Variants in ARHGAP42 observed in about 807,000 individuals in gnomAD.
ARHGAP42 encodes Rho GTPase activating protein 42.
Under a neutral mutation model 125.0 loss-of-function variants are expected in ARHGAP42, and 63 were observed. The observed-to-expected ratio is 0.50, with a 90% CI of 0.41 to 0.62. The LOEUF is 0.62. Ranked by LOEUF, ARHGAP42 falls within the 20% of genes least tolerant of loss-of-function variation. The pLI is 0.00. For missense variants in ARHGAP42, 766 were observed against 1,024.2 expected (o/e 0.75, Z 3.44); for synonymous variants, 339 against 351.0 (o/e 0.97, Z 0.38).
intron 2 of ARHGAP42, among the ~76,000 whole-genome samples, chr11:100,787,721 T>C (rs896672299): frequency 2.0e-5 from 3 of 152,118 alleles, no homozygotes; most frequent in African/African-American, 7.2e-5. Flanking sequence ...GAACAGGGGC[T>C]GAGTGAGAAT....
At position 100,970,590 on chromosome 11, in the gene ARHGAP42, AAAAC is replaced by A. The variant is rs901977133; in HGVS notation, c.1551-2579_1551-2576del. Among the ~76,000 whole-genome samples, 11 of 152,232 alleles carry A rather than the reference AAAAC, an allele frequency of 7.2e-5. No homozygotes were observed. The East Asian group carries it at 7.8e-4, about 11-fold the overall frequency. ...GCTCCTTGCCAGGTCACTTAAAAAAAAAACAAACAGTCTTTGAGATTTGTTATGA... is the reference window on the plus strand; with the variant it reads ...GCTCCTTGCCAGGTCACTTAAAAAAAAAACAGTCTTTGAGATTTGTTATGA... On this transcript the variant is annotated intron_variant, in intron 17 of 23. Coordinates refer to ENST00000298815, the MANE Select transcript of ARHGAP42 (RefSeq NM_152432.4).
intron 15 of ARHGAP42, 121 bp from the exon 16 acceptor site, chr11:100,962,288 A>T: frequency 1.3e-6 from 1 of 776,568 alleles, no homozygotes. Context: ...TTACTTATTT[A>T]TGTGTTATTT....
intron 1 of ARHGAP42, among the ~76,000 whole-genome samples, chr11:100,733,827 A>G (rs1862004446): frequency 1.7e-5 from 2 of 120,766 alleles, no homozygotes; most frequent in Admixed American, 1.6e-4. Flanking sequence ...TCTGTCTGGA[A>G]AAAAAAAAAA....
intron 3 of ARHGAP42, among the ~76,000 whole-genome samples, chr11:100,840,271 G>A (rs1023154472): frequency 2.0e-5 from 3 of 152,102 alleles, no homozygotes; most frequent in African/African-American, 7.2e-5. Context: ...GACACCCAAG[G>A]TCGCTGCGAC....
intron 4 of ARHGAP42, among the ~76,000 whole-genome samples, chr11:100,903,709 AATATATATATATATAT>A (rs139506492): frequency 0.095 from 6,045 of 63,468 alleles, 475 homozygotes; most frequent in East Asian, 0.26. Context: ...TGTCCCTCAA[AATATATATATATATAT>A]ATATATATAT....
intron 22 of ARHGAP42, among the ~76,000 whole-genome samples, chr11:100,985,678 G>T (rs1186058640): frequency 6.6e-6 from 1 of 152,168 alleles, no homozygotes; most frequent in African/African-American, 2.4e-5. Flanking sequence ...TGCTGTGTGG[G>T]CTGAGGGTCA....
At chr11:100,790,663 A>G (rs1863543379) in intron 2 of ARHGAP42, among the ~76,000 whole-genome samples, 1 of 152,206 alleles carries the variant, frequency 6.6e-6, no homozygotes, top group Non-Finnish European at 1.5e-5. Flanking sequence ...CTTGTAGAGC[A>G]AATAGATTGT....
chr11:100,851,068 G>T (rs1865193949), intron 3 of ARHGAP42, among the ~76,000 whole-genome samples: 1 of 151,762 alleles, frequency 6.6e-6, no homozygotes, highest in African/African-American at 2.4e-5. Flanking sequence ...TGTTAGTAGA[G>T]ACGGGGTTTT....
chr11:100,967,761 T>C (rs1034108711), intron 17 of ARHGAP42, among the ~76,000 whole-genome samples: 1 of 152,158 alleles, frequency 6.6e-6, no homozygotes, highest in African/African-American at 2.4e-5. Flanking sequence ...GTCGCCAGGC[T>C]GGAGTGCAGT....
intron 1 of ARHGAP42, among the ~76,000 whole-genome samples, chr11:100,702,734 C>G (rs7126783): frequency 0.015 from 2,310 of 150,342 alleles, 79 homozygotes; most frequent in African/African-American, 0.053. Flanking sequence ...TGCAATGGCA[C>G]GACCTCGGCT....
chr11:100,815,380 C>A (rs1007329543), intron 3 of ARHGAP42, among the ~76,000 whole-genome samples: 2 of 152,112 alleles, frequency 1.3e-5, no homozygotes, highest in Non-Finnish European at 2.9e-5. Flanking sequence ...CTTTTTAAGG[C>A]AAATTGTGTG....
chr11:100,731,347 C>T (rs755415777), intron 1 of ARHGAP42, among the ~76,000 whole-genome samples: 2 of 151,948 alleles, frequency 1.3e-5, no homozygotes, highest in Admixed American at 6.6e-5. Context: ...TTAGTAGAGA[C>T]GGGGTTTCAC....
At chr11:100,800,719 T>C (rs1304442830) in intron 3 of ARHGAP42, among the ~76,000 whole-genome samples, 1 of 152,160 alleles carries the variant, frequency 6.6e-6, no homozygotes, top group African/African-American at 2.4e-5. Context: ...ATACTGTGGG[T>C]TTTGATTGCT....
intron 4 of ARHGAP42, among the ~76,000 whole-genome samples, chr11:100,900,631 T>C (rs1444417957): frequency 6.6e-6 from 1 of 152,194 alleles, no homozygotes; most frequent in Non-Finnish European, 1.5e-5. Context: ...TTCCCTAAAC[T>C]TGCCTTCTCA....
intron 1 of ARHGAP42, among the ~76,000 whole-genome samples, chr11:100,727,048 G>C (rs1471720858): frequency 1.3e-5 from 2 of 152,146 alleles, no homozygotes; most frequent in East Asian, 1.9e-4. Flanking sequence ...CTGGGGATCC[G>C]TGAAAATCAC....
intron 1 of ARHGAP42, among the ~76,000 whole-genome samples, chr11:100,736,133 T>A (rs191051936): frequency 3.9e-5 from 6 of 152,306 alleles, no homozygotes; most frequent in Non-Finnish European, 4.4e-5. Context: ...GAGATGATAA[T>A]GTGGTTAGCC....
At chr11:100,865,269 A>T (rs1398290999) in intron 4 of ARHGAP42, among the ~76,000 whole-genome samples, 1 of 152,174 alleles carries the variant, frequency 6.6e-6, no homozygotes, top group Non-Finnish European at 1.5e-5. Flanking sequence ...ATATCCAAAA[A>T]AATCTATATA....
chr11:100,946,971 G>C (rs916952109), intron 10 of ARHGAP42, among the ~76,000 whole-genome samples: 1 of 151,442 alleles, frequency 6.6e-6, no homozygotes, highest in Admixed American at 6.6e-5. Flanking sequence ...GTATCTAGTA[G>C]GGCAATGACT....
At chr11:100,773,402 A>G (rs1206953926) in intron 2 of ARHGAP42, among the ~76,000 whole-genome samples, 2 of 152,218 alleles carry the variant, frequency 1.3e-5, no homozygotes, top group African/African-American at 2.4e-5. Flanking sequence ...CACAGATGAT[A>G]TAATTTTAAT....
Sources: gnomAD v4.1 joint callset for allele counts (sites outside exome capture counted in the v4.1 genomes callset) on GRCh38, gnomAD v4.1.1 for gene constraint, MANE v1.5 for transcripts, NCBI Gene and HGNC (gene_info 2026-07-23, HGNC 2026-07-21) for gene names.